Variants in PRKG1 observed in about 807,000 individuals in gnomAD.
PRKG1 encodes cGMP-dependent protein kinase 1.
PRKG1 carries 35 observed loss-of-function variants against 88.1 expected under a neutral mutation model. The ratio of observed to expected loss-of-function variants is 0.40; its 90% CI spans 0.30 to 0.53. The LOEUF is 0.53. PRKG1 is among the 20% of genes least tolerant of loss of function. The pLI is 0.59. For missense variants in PRKG1, 540 were observed against 839.8 expected (o/e 0.64, Z 4.41); for synonymous variants, 303 against 292.5 (o/e 1.04, Z -0.37).
chr10:52,157,095 C>A (rs1212541813), intron 8 of PRKG1, among the ~76,000 whole-genome samples: 4 of 150,770 alleles, frequency 2.7e-5, no homozygotes, highest in African/African-American at 9.7e-5. Context: ...TTTCTCCCAC[C>A]CTATTTTTAA....
rs1167219822 is a variant in PRKG1, at chr10:51,843,093, C to CTTTTTT, written c.698+38421_698+38426dup. On this transcript the variant is annotated intron_variant, in intron 4 of 17. Coordinates refer to ENST00000373980, the MANE Select transcript of PRKG1 (RefSeq NM_006258.4). ...TTTATTTAAATTTAGGAAAATTATT[C>CTTTTTT]TTTTTTTTTTTTTTTTTTTTTTTGA... Among the ~76,000 whole-genome samples, 207 of 87,822 alleles carry CTTTTTT rather than the reference C, an allele frequency of 2.4e-3. 3 individuals carry two copies. Among genetic ancestry groups the CTTTTTT allele is most frequent in the Non-Finnish European group, 3.0e-3 (130 of 43,402 alleles). The allele number at this position is 87,822 out of a possible 152,430, so 57.6% of individuals were successfully genotyped here.
intron 5 of PRKG1, among the ~76,000 whole-genome samples, chr10:52,036,737 C>T (rs1192238489): frequency 6.6e-6 from 1 of 151,966 alleles, no homozygotes; most frequent in Non-Finnish European, 1.5e-5. Flanking sequence ...AGTGTCTCAG[C>T]CTAATAAGGG....
chr10:51,676,360 A>G (rs1423669781), intron 3 of PRKG1, among the ~76,000 whole-genome samples: 1 of 152,046 alleles, frequency 6.6e-6, no homozygotes, highest in East Asian at 1.9e-4. Flanking sequence ...TTCAGGCCAA[A>G]CAAAGAAACC....
intron 3 of PRKG1, among the ~76,000 whole-genome samples, chr10:51,496,814 A>G (rs1054805917): frequency 6.6e-6 from 1 of 152,194 alleles, no homozygotes; most frequent in Non-Finnish European, 1.5e-5. Context: ...ACTGGTTCCC[A>G]GTTCTGGAAT....
At chr10:51,497,466 A>G (rs1840891943) in intron 3 of PRKG1, among the ~76,000 whole-genome samples, 1 of 152,232 alleles carries the variant, frequency 6.6e-6, no homozygotes, top group Admixed American at 6.5e-5. Context: ...TTAATGAAAA[A>G]AATCAGACTA....
chr10:51,724,680 G>A (rs143373854), intron 3 of PRKG1, among the ~76,000 whole-genome samples: 9 of 152,044 alleles, frequency 5.9e-5, no homozygotes, highest in East Asian at 1.9e-4. Flanking sequence ...AAGAGCCACC[G>A]TGCCTGGCTT....
At position 51,478,717 on chromosome 10, in the gene PRKG1, G is replaced by T. The variant is rs190735713; in HGVS notation, c.592+10881G>T. 4.7e-5 allele frequency among the ~76,000 whole-genome samples: 7 copies of T among 147,594 alleles called. No homozygotes were observed. The East Asian group carries it at 1.2e-3, about 26-fold the overall frequency. On this transcript the variant is annotated intron_variant, in intron 3 of 17. Transcript: ENST00000373980. ...AATAAAAGTTATCCATGAAGCTTAA[G>T]CATAACATGAAGCAGAGTGAGATAC...
intron 3 of PRKG1, among the ~76,000 whole-genome samples, chr10:51,749,470 T>C (rs1435462934): frequency 6.6e-6 from 1 of 152,118 alleles, no homozygotes; most frequent in Non-Finnish European, 1.5e-5. Flanking sequence ...GATCACTCTC[T>C]CTTCCTCTTC....
At chr10:51,382,283 GAAC>G (rs1837127042) in intron 2 of PRKG1, among the ~76,000 whole-genome samples, 1 of 152,078 alleles carries the variant, frequency 6.6e-6, no homozygotes, top group African/African-American at 2.4e-5. Flanking sequence ...GGTGATATGA[GAAC>G]AACAAAAAGA....
chr10:52,032,637 A>G (rs1042939072), intron 5 of PRKG1, among the ~76,000 whole-genome samples: 1 of 152,158 alleles, frequency 6.6e-6, no homozygotes, highest in African/African-American at 2.4e-5. Context: ...AATCATTTGT[A>G]TTTTTTTAAT....
chr10:51,718,042 G>T (rs537930294), intron 3 of PRKG1, among the ~76,000 whole-genome samples: 1 of 152,094 alleles, frequency 6.6e-6, no homozygotes, highest in South Asian at 2.1e-4. Context: ...TATTTCTTGT[G>T]CACTAGACAT....
At chr10:51,696,859 T>G (rs1252419993) in intron 3 of PRKG1, 1 of 152,142 alleles carries the variant, frequency 6.6e-6, no homozygotes, top group Non-Finnish European at 1.5e-5. Context: ...CACTGATTTT[T>G]GGGAAGGATT....
At chr10:51,506,352 A>G (rs554084318) in intron 3 of PRKG1, among the ~76,000 whole-genome samples, 9 of 152,250 alleles carry the variant, frequency 5.9e-5, no homozygotes, top group Admixed American at 1.3e-4. Flanking sequence ...AGAAACTACC[A>G]TCAGAGTGAA....
At chr10:51,325,777 G>T (rs976446592) in intron 2 of PRKG1, among the ~76,000 whole-genome samples, 1 of 151,960 alleles carries the variant, frequency 6.6e-6, no homozygotes, top group Non-Finnish European at 1.5e-5. Context: ...GCTGGGAGAC[G>T]CAAGCCTCTC....
intron 3 of PRKG1, among the ~76,000 whole-genome samples, chr10:51,478,812 A>G (rs762295217): frequency 2.0e-4 from 31 of 151,960 alleles, no homozygotes; most frequent in Non-Finnish European, 3.8e-4. Flanking sequence ...AATGTAATAC[A>G]TGAAGTTTTG....
At chr10:51,750,596 C>T (rs1020620544) in intron 3 of PRKG1, among the ~76,000 whole-genome samples, 48 of 152,256 alleles carry the variant, frequency 3.2e-4, no homozygotes, top group African/African-American at 1.1e-3. Flanking sequence ...CAGTCCAAAA[C>T]GCATGAAGTA....
intron 4 of PRKG1, among the ~76,000 whole-genome samples, chr10:51,865,555 T>A (rs1222766432): frequency 6.6e-6 from 1 of 152,100 alleles, no homozygotes; most frequent in East Asian, 1.9e-4. Context: ...TGAATCTGCC[T>A]TATATTAGAA....
At chr10:51,538,348 TTATGA>T (rs1330570520) in intron 3 of PRKG1, among the ~76,000 whole-genome samples, 1 of 148,728 alleles carries the variant, frequency 6.7e-6, no homozygotes, top group Non-Finnish European at 1.5e-5. Context: ...ATTATGTATA[TTATGA>T]TATATGATGT....
intron 2 of PRKG1, among the ~76,000 whole-genome samples, chr10:51,242,804 C>A (rs1312753799): frequency 6.6e-6 from 1 of 152,106 alleles, no homozygotes; most frequent in Non-Finnish European, 1.5e-5. Flanking sequence ...TGATGCCAAT[C>A]ATGAGCAAAA....
Sources: gnomAD v4.1 joint callset for allele counts (sites outside exome capture counted in the v4.1 genomes callset) on GRCh38, gnomAD v4.1.1 for gene constraint, MANE v1.5 for transcripts, NCBI Gene and HGNC (gene_info 2026-07-23, HGNC 2026-07-21) for gene names.